Variants in CKAP5 observed in about 807,000 individuals in gnomAD.
CKAP5 encodes the protein cytoskeleton-associated protein 5.
CKAP5 carries 27 observed loss-of-function variants against 232.8 expected under a neutral mutation model. That is an observed-to-expected ratio of 0.12 (90% CI 0.09 to 0.16). CKAP5 has a LOEUF of 0.16. Among genes scored for constraint, CKAP5 ranks in the 10% least tolerant of loss-of-function variants. The pLI is 1.00. For synonymous variants in CKAP5, 785 were observed against 841.1 expected (o/e 0.93, Z 1.16); for missense variants, 1,838 against 2,424.7 (o/e 0.76, Z 5.08).
Position 46,816,422 on chromosome 11 carries a change from G to T in CKAP5, c.252-18C>A. On this transcript the variant is annotated intron_variant, in intron 3 of 43. Coordinates refer to ENST00000529230, the MANE Select transcript of CKAP5 (RefSeq NM_001008938.4). The stretch of plus-strand genomic sequence containing the variant: ...CTGTGGTTCTGTAACATATTATAAA[G>T]AACAAAAATCCCACTTAAGTAGTAA... 1 of 1,606,240 alleles carries T rather than the reference G, an allele frequency of 6.2e-7. No homozygotes were observed. The highest frequency in any genetic ancestry group is 8.5e-7 in the Non-Finnish European group (1 of 1,174,694).
chr11:46,782,950 T>A (rs1204283586), intron 18 of CKAP5, among the ~76,000 whole-genome samples: 1 of 152,230 alleles, frequency 6.6e-6, no homozygotes, highest in Non-Finnish European at 1.5e-5. Flanking sequence ...CGCCAAGGCA[T>A]ACTATAGGTC....
chr11:46,749,457 GAAAAA>G (rs951405505), intron 42 of CKAP5, among the ~76,000 whole-genome samples: 1 of 76,486 alleles, frequency 1.3e-5, no homozygotes, highest in African/African-American at 4.3e-5. Context: ...TCCGTCTCAA[GAAAAA>G]AAAAAAAAAA....
intron 5 of CKAP5, among the ~76,000 whole-genome samples, chr11:46,810,128 C>T (rs1392640177): frequency 1.3e-5 from 2 of 152,008 alleles, no homozygotes; most frequent in African/African-American, 4.8e-5. Context: ...TGCACTACCA[C>T]ATCCGGCTAA....
chr11:46,814,108 G>C, intron 4 of CKAP5, among the ~76,000 whole-genome samples: 1 of 140,524 alleles, frequency 7.1e-6, no homozygotes, highest in African/African-American at 2.7e-5. Context: ...CTCCAGTCTG[G>C]GTGACAGAGC....
chr11:46,814,188 C>T (rs1053727561), intron 4 of CKAP5, among the ~76,000 whole-genome samples: 2 of 140,972 alleles, frequency 1.4e-5, no homozygotes, highest in African/African-American at 5.2e-5. Context: ...TTAGACATCA[C>T]TAAGGACACA....
intron 1 of CKAP5, among the ~76,000 whole-genome samples, chr11:46,844,617 G>C (rs1773902180): frequency 6.6e-6 from 1 of 152,136 alleles, no homozygotes; most frequent in South Asian, 2.1e-4. Flanking sequence ...GCTTGCCATT[G>C]CCTCAGTGAA....
In CKAP5 at chr11:46,752,650, T is replaced by G. The variant is rs1433355764; in HGVS notation, c.5118A>C (p.Ser1706=). 2.1e-5 allele frequency: 34 copies of G among 1,612,760 alleles called. No individual in the cohort carries two copies. The highest frequency in any genetic ancestry group is 2.8e-5 in the Non-Finnish European group (33 of 1,179,160). The part of the protein sequence containing the change: ...LLATASSPKF[S]ELVMKCLWRM... ...TCAACTTCACCTTCATAACAAGCTCTGAGAATTTGGGAGAACTGGCTGTTG... is the reference window on the plus strand; with the variant it reads ...TCAACTTCACCTTCATAACAAGCTCGGAGAATTTGGGAGAACTGGCTGTTG... The change falls in exon 38 of 44, where the codon TCA becomes TCC. Residue 1706 remains serine, a synonymous_variant. Transcript: ENST00000529230.
chr11:46,783,261 C>T lies in CKAP5; in HGVS notation c.2249+13G>A, dbSNP rs374793695. On this transcript the variant is annotated intron_variant, in intron 18 of 43. Transcript: ENST00000529230. ...CATTTAACTATTTTCCACTTGATTT[C>T]GTTCTGACTTACCCAGAAAAACCAA... 6 of 1,460,654 alleles carry T rather than the reference C, an allele frequency of 4.1e-6. No individual in the cohort carries two copies. Among genetic ancestry groups the T allele is most frequent in the African/African-American group, 2.8e-5 (2 of 71,520 alleles). 90.5% of individuals were successfully genotyped at this position (1,460,654 alleles called of 1,614,324 possible). A position where few individuals can be genotyped will look rare whatever the true frequency, so the allele number is the denominator to read the frequency against.
At position 46,754,999 on chromosome 11, in the gene CKAP5, T is replaced by C. The variant is rs937027893; in HGVS notation, c.4758A>G (p.Ile1586Met). 5 of 1,613,884 alleles carry C rather than the reference T, an allele frequency of 3.1e-6. No homozygotes were observed. Among genetic ancestry groups the C allele is most frequent in the Non-Finnish European group, 4.2e-6 (5 of 1,179,952 alleles). Reference sequence around the variant, plus strand: ...TGAGTCTTAGCTGCATAAAAGTGGCTATCAGAAACTGATCAATATGGCCGG... The same window carrying C: ...TGAGTCTTAGCTGCATAAAAGTGGCCATCAGAAACTGATCAATATGGCCGG... ...AMSGHIDQFL[I>M]ATFMQLRLIY... The change falls in exon 36 of 44, where the codon ATA becomes ATG. Residue 1586 changes from isoleucine (I) to methionine (M), a missense_variant. By Grantham distance (10) the Ile-to-Met change is conservative (BLOSUM62 1). This residue lies in a region of CKAP5 where 579 missense variants were observed against 843.2 expected (regional missense o/e 0.69). Transcript: ENST00000529230.
At chr11:46,753,881 C>CG (rs1330375469) in intron 36 of CKAP5, among the ~76,000 whole-genome samples, 1 of 151,018 alleles carries the variant, frequency 6.6e-6, no homozygotes, top group Non-Finnish European at 1.5e-5. Context: ...CGTGAGCCAC[C>CG]GCGCCCGGCT....
chr11:46,835,570 C>T (rs370114816), intron 1 of CKAP5, among the ~76,000 whole-genome samples: 204 of 151,996 alleles, frequency 1.3e-3, no homozygotes, highest in Middle Eastern at 3.4e-3. Flanking sequence ...TGGAATTATT[C>T]GACGGAAAAA....
intron 13 of CKAP5, among the ~76,000 whole-genome samples, chr11:46,791,979 T>C (rs1310657815): frequency 1.3e-5 from 2 of 152,232 alleles, no homozygotes; most frequent in Non-Finnish European, 2.9e-5. Flanking sequence ...AAGTTGTATT[T>C]AGCAAAACTA....
At chr11:46,824,151 T>A (rs1264702470) in intron 1 of CKAP5, among the ~76,000 whole-genome samples, 1 of 152,208 alleles carries the variant, frequency 6.6e-6, no homozygotes. Flanking sequence ...TGCTTCTTCC[T>A]TTACATTTTG....
intron 1 of CKAP5, among the ~76,000 whole-genome samples, chr11:46,822,330 A>T (rs1939553053): frequency 6.6e-6 from 1 of 152,156 alleles, no homozygotes; most frequent in African/African-American, 2.4e-5. Flanking sequence ...TATTTTCCCA[A>T]ATAAGAACTT....
At chr11:46,787,290 A>T (rs2065404431) in intron 16 of CKAP5, among the ~76,000 whole-genome samples, 1 of 152,232 alleles carries the variant, frequency 6.6e-6, no homozygotes, top group Non-Finnish European at 1.5e-5. Flanking sequence ...TGTATGAGGG[A>T]GCTAAACATC....
chr11:46,832,192 A>T (rs1939808763), intron 1 of CKAP5, among the ~76,000 whole-genome samples: 1 of 152,208 alleles, frequency 6.6e-6, no homozygotes, highest in Non-Finnish European at 1.5e-5. Context: ...TGTGTATTTC[A>T]AATGTGTTGA....
rs757959002 is a variant in CKAP5, at chr11:46,780,221, T to C, written c.2406A>G (p.Leu802=). Residue 802 remains leucine (L), a synonymous_variant, in exon 20 of 44, where the codon CTA becomes CTG. Transcript: ENST00000529230. ...MFFEDEKPAL[L]SQIDAEFEKM... ...TCTCAAATTCTGCATCTATCTGGGA[T>C]AGGAGGGCAGGCTTCTCATCCTCAA... 1.9e-6 allele frequency: 3 copies of C among 1,614,090 alleles called. No individual in the cohort carries two copies. Among genetic ancestry groups the C allele is most frequent in the Non-Finnish European group, 2.5e-6 (3 of 1,179,946 alleles).
At chr11:46,755,506 C>A (rs186269060) in intron 35 of CKAP5, among the ~76,000 whole-genome samples, 2 of 151,796 alleles carry the variant, frequency 1.3e-5, no homozygotes, top group African/African-American at 4.8e-5. Flanking sequence ...CGCACCTGGC[C>A]CCATTTAAAT....
chr11:46,752,288 C>CAT lies in CKAP5; in HGVS notation c.5133+345_5133+346dup, dbSNP rs1355325031. On this transcript the variant is annotated intron_variant, in intron 38 of 43. Transcript: ENST00000529230. ...GATATACATATATAATACATATATA[C>CAT]ATATATATAATACACATATATATAA... is the stretch of plus-strand genomic sequence containing the variant. 2.8e-3 allele frequency among the ~76,000 whole-genome samples: 393 copies of CAT among 142,454 alleles called. 2 individuals carry two copies. The highest frequency in any genetic ancestry group is 9.6e-3 in the African/African-American group (372 of 38,926). 93.5% of individuals were successfully genotyped at this position (142,454 alleles called of 152,430 possible). A position where few individuals can be genotyped will look rare whatever the true frequency, so the allele number is the denominator to read the frequency against.
Sources: gnomAD v4.1 joint callset for allele counts (sites outside exome capture counted in the v4.1 genomes callset) on GRCh38, gnomAD v4.1.1 for gene constraint, gnomAD v4.1.1 regional missense constraint, MANE v1.5 for transcripts, NCBI Gene and HGNC (gene_info 2026-07-23, HGNC 2026-07-21) for gene names.